STK39: variants seen among roughly 807,000 people sequenced by gnomAD.
STK39 encodes STE20/SPS1-related proline-alanine-rich protein kinase.
A neutral mutation model predicts 77.8 loss-of-function variants in STK39; 20 were observed. That is an observed-to-expected ratio of 0.26 (90% CI 0.18 to 0.37). The LOEUF is 0.37. STK39 is among the 10% of genes least tolerant of loss of function. The pLI is 1.00. For synonymous variants in STK39, 246 were observed against 234.1 expected, an observed-to-expected ratio of 1.05 and a Z score of -0.47; for missense variants, 479 against 656.5, an observed-to-expected ratio of 0.73 and a Z score of 2.95.
At chr2:168,169,735 A>G (rs1688777326) in intron 2 of STK39, among the ~76,000 whole-genome samples, 1 of 152,066 alleles carries the variant, frequency 6.6e-6, no homozygotes, top group African/African-American at 2.4e-5. Flanking sequence ...TCTGAGTCTT[A>G]GAGACACCAT....
At position 168,247,436 on chromosome 2, in the gene STK39, G is replaced by C; in HGVS notation, c.-1C>G. The stretch of plus-strand genomic sequence containing the variant: ...CGGGCGAGCCGCTCGGCTCCGCCAT[G>C]ATGCTGCGGAGGAGAGCAGGAGGAC... On this transcript the variant is annotated 5_prime_UTR_variant, in exon 1 of 18. The change creates a new upstream start codon in the 5' untranslated region. Transcript: ENST00000355999. 1 of 1,277,948 alleles carries C rather than the reference G, an allele frequency of 7.8e-7. No individual in the cohort carries two copies. The highest frequency in any genetic ancestry group is 1.0e-6 in the Non-Finnish European group (1 of 1,000,854). The allele number at this position is 1,277,948 out of a possible 1,614,324, so 79.2% of individuals were successfully genotyped here.
intron 5 of STK39, among the ~76,000 whole-genome samples, chr2:168,145,470 T>G (rs867490370): frequency 6.6e-6 from 1 of 151,924 alleles, no homozygotes; most frequent in African/African-American, 2.4e-5. Context: ...AAAGTTGCCA[T>G]AGAGAAATGT....
intron 14 of STK39, among the ~76,000 whole-genome samples, chr2:168,033,090 C>T (rs955857531): frequency 6.6e-6 from 1 of 152,112 alleles, no homozygotes; most frequent in African/African-American, 2.4e-5. Flanking sequence ...AGTACATTCC[C>T]AATAAATATT....
intron 17 of STK39, among the ~76,000 whole-genome samples, chr2:167,963,179 T>C (rs1164096836): frequency 6.6e-6 from 1 of 151,960 alleles, no homozygotes; most frequent in East Asian, 1.9e-4. Context: ...GTGCAGGAAA[T>C]GGAGATGCAG....
intron 8 of STK39, among the ~76,000 whole-genome samples, chr2:168,135,116 C>T (rs1242116863): frequency 6.7e-6 from 1 of 150,034 alleles, no homozygotes; most frequent in Admixed American, 6.7e-5. Context: ...ACAGGTTCTC[C>T]CAAAAACACT....
intron 14 of STK39, among the ~76,000 whole-genome samples, chr2:168,021,023 T>C (rs1234502270): frequency 6.6e-6 from 1 of 152,092 alleles, no homozygotes; most frequent in Non-Finnish European, 1.5e-5. Context: ...AAAACAACCA[T>C]GAGGAAAGCA....
intron 7 of STK39, among the ~76,000 whole-genome samples, chr2:168,139,842 A>G (rs1355852950): frequency 1.3e-5 from 2 of 152,180 alleles, no homozygotes; most frequent in African/African-American, 4.8e-5. Flanking sequence ...TCAGTTGCCA[A>G]CATTACACTA....
At chr2:168,138,047 C>T (rs1263937292) in intron 8 of STK39, 41 bp downstream of exon 8, 2 of 1,598,038 alleles carry the variant, frequency 1.3e-6, no homozygotes, top group Non-Finnish European at 1.7e-6. Flanking sequence ...TTTGTCATGG[C>T]TCAAACCAGG....
intron 10 of STK39, among the ~76,000 whole-genome samples, chr2:168,077,212 T>C (rs570431102): frequency 7.7e-4 from 117 of 152,350 alleles, no homozygotes; most frequent in African/African-American, 2.7e-3. Flanking sequence ...ATTAGTATTC[T>C]TTAAGTACTC....
intron 1 of STK39, among the ~76,000 whole-genome samples, chr2:168,201,331 T>C (rs1236251666): frequency 6.6e-6 from 1 of 152,242 alleles, no homozygotes; most frequent in Admixed American, 6.5e-5. Context: ...GGGTAGAGCA[T>C]GTCCCACAGA....
chr2:167,996,764 T>C (rs1683852320), intron 16 of STK39, among the ~76,000 whole-genome samples: 1 of 152,108 alleles, frequency 6.6e-6, no homozygotes, highest in African/African-American at 2.4e-5. Context: ...ATTCTTGTTA[T>C]CAAGTATCAA....
At chr2:168,075,262 A>C in intron 10 of STK39, 31 bp from the exon 11 acceptor site, 1 of 1,612,038 alleles carries the variant, frequency 6.2e-7, no homozygotes, top group Non-Finnish European at 8.5e-7. Context: ...ACAATTCTTC[A>C]CTAGTCAAAT....
intron 16 of STK39, among the ~76,000 whole-genome samples, chr2:168,000,251 A>C (rs1215858231): frequency 6.6e-6 from 1 of 152,246 alleles, no homozygotes; most frequent in Non-Finnish European, 1.5e-5. Context: ...GCAGAGTTCT[A>C]TATTTCTGAC....
chr2:168,034,739 C>T (rs988380101), intron 14 of STK39, among the ~76,000 whole-genome samples: 1 of 152,204 alleles, frequency 6.6e-6, no homozygotes, highest in Non-Finnish European at 1.5e-5. Context: ...AGTGACAGCA[C>T]AGAGCATTAT....
At chr2:167,985,310 T>C (rs1444387657) in intron 16 of STK39, among the ~76,000 whole-genome samples, 1 of 152,200 alleles carries the variant, frequency 6.6e-6, no homozygotes, top group African/African-American at 2.4e-5. Context: ...AAACCTTTCT[T>C]CAGGGGAAGA....
chr2:167,955,513 G>T lies in STK39; in HGVS notation c.1621C>A (p.Gln541Lys). 1 of 1,613,806 alleles carries T rather than the reference G, an allele frequency of 6.2e-7. No homozygotes were observed. Among genetic ancestry groups the T allele is most frequent in the South Asian group, 1.1e-5 (1 of 91,018 alleles). ...PDEVKLIGFA[Q>K]LSVS ...GACATACATCAGCTGACACTCAACTGAGCAAACCCAATCAGCTTCACTTCA... is the reference window on the plus strand; with the variant it reads ...GACATACATCAGCTGACACTCAACTTAGCAAACCCAATCAGCTTCACTTCA... Residue 541 changes from glutamine (Q) to lysine (K), a missense_variant, in exon 18 of 18, where the codon CAG becomes AAG. Physicochemically the swap from Gln to Lys is moderately conservative, Grantham distance 53. Around this residue, in one of 3 missense-constraint regions of STK39, gnomAD observed 244 missense variants for 296.8 expected, o/e 0.82. Transcript: ENST00000355999.
chr2:168,163,005 C>A (rs1182884073), intron 4 of STK39, among the ~76,000 whole-genome samples: 2 of 145,156 alleles, frequency 1.4e-5, no homozygotes, highest in African/African-American at 2.6e-5. Flanking sequence ...CCAGCCTGGG[C>A]AACAGAGCAA....
chr2:168,154,438 A>C (rs1363161370), intron 5 of STK39, among the ~76,000 whole-genome samples: 1 of 152,208 alleles, frequency 6.6e-6, no homozygotes, highest in Non-Finnish European at 1.5e-5. Context: ...ACATACAATC[A>C]AGTGTTAAAT....
intron 16 of STK39, among the ~76,000 whole-genome samples, chr2:167,970,009 C>A (rs1057477269): frequency 6.6e-6 from 1 of 152,218 alleles, no homozygotes; most frequent in Non-Finnish European, 1.5e-5. Flanking sequence ...GACCCTGGAG[C>A]ATTCAGGGCA....
Sources: allele counts gnomAD v4.1 joint callset (sites outside exome capture counted in the v4.1 genomes callset), GRCh38; gene constraint gnomAD v4.1.1; regional missense constraint gnomAD v4.1.1; transcripts MANE v1.5; gene names NCBI Gene and HGNC (gene_info 2026-07-23, HGNC 2026-07-21).